CADPS2: variants seen among roughly 807,000 people sequenced by gnomAD.
The protein encoded by CADPS2 is calcium-dependent secretion activator 2.
Under a neutral mutation model 172.5 loss-of-function variants are expected in CADPS2, and 93 were observed. The ratio of observed to expected loss-of-function variants is 0.54; its 90% confidence interval spans 0.46 to 0.64. The LOEUF is 0.64. Among genes scored for constraint, CADPS2 ranks in the 30% least tolerant of loss-of-function variants. The pLI is 0.00. For missense variants in CADPS2, 1,420 were observed against 1,565.9 expected, an observed-to-expected ratio of 0.91 and a Z score of 1.57; for synonymous variants, 546 against 555.2, an observed-to-expected ratio of 0.98 and a Z score of 0.23.
chr7:122,449,082 C>T (rs2052695344), intron 15 of CADPS2, among the ~76,000 whole-genome samples: 1 of 152,036 alleles, frequency 6.6e-6, no homozygotes, highest in African/African-American at 2.4e-5. Flanking sequence ...GACCTGCAGG[C>T]AAGTGAGCAT....
At chr7:122,655,012 G>C (rs1035048237) in intron 3 of CADPS2, among the ~76,000 whole-genome samples, 4 of 152,200 alleles carry the variant, frequency 2.6e-5, no homozygotes, top group Non-Finnish European at 5.9e-5. Context: ...AGATGTTCTA[G>C]AAATAGCAAA....
chr7:122,807,172 C>G (rs1223510295), intron 1 of CADPS2, among the ~76,000 whole-genome samples: 1 of 152,202 alleles, frequency 6.6e-6, no homozygotes, highest in Non-Finnish European at 1.5e-5. Context: ...CAGCGGTATG[C>G]CCCAACCCAC....
At chr7:122,823,437 C>CT (rs1057245109) in intron 1 of CADPS2, among the ~76,000 whole-genome samples, 2 of 152,018 alleles carry the variant, frequency 1.3e-5, no homozygotes, top group African/African-American at 4.8e-5. Context: ...ACTTTACCCC[C>CT]TGCCCCCAGA....
intron 2 of CADPS2, among the ~76,000 whole-genome samples, chr7:122,732,486 A>G (rs2091743959): frequency 6.6e-6 from 1 of 150,714 alleles, no homozygotes; most frequent in Non-Finnish European, 1.5e-5. Flanking sequence ...AAATGTATAT[A>G]CTACGAGTAC....
intron 2 of CADPS2, among the ~76,000 whole-genome samples, chr7:122,673,817 T>C (rs754443861): frequency 1.2e-4 from 18 of 149,720 alleles, no homozygotes; most frequent in Non-Finnish European, 2.2e-4. Context: ...GCACTGGCAC[T>C]CCTCAAACCT....
chr7:122,430,671 G>GTAGCATT (rs1439242444), intron 17 of CADPS2, among the ~76,000 whole-genome samples: 1 of 152,176 alleles, frequency 6.6e-6, no homozygotes, highest in East Asian at 1.9e-4. Context: ...CAATGAAATG[G>GTAGCATT]TAGCATTTTA....
chr7:122,702,576 T>A, intron 2 of CADPS2: 2 of 1,613,550 alleles, frequency 1.2e-6, no homozygotes, highest in South Asian at 2.2e-5. Flanking sequence ...AACACTCCAC[T>A]CTCTCCTAAT....
At chr7:122,485,819 C>G (rs1193448329) in intron 11 of CADPS2, among the ~76,000 whole-genome samples, 1 of 152,170 alleles carries the variant, frequency 6.6e-6, no homozygotes, top group Non-Finnish European at 1.5e-5. Context: ...TACAGGCTCT[C>G]TTGTTAGTGG....
chr7:122,540,231 A>G (rs2062778007), intron 8 of CADPS2, among the ~76,000 whole-genome samples: 1 of 152,122 alleles, frequency 6.6e-6, no homozygotes, highest in African/African-American at 2.4e-5. Context: ...CCTGAACTGT[A>G]ATAAATGCTA....
At chr7:122,611,188 AGAAG>A in intron 6 of CADPS2, among the ~76,000 whole-genome samples, 1 of 152,236 alleles carries the variant, frequency 6.6e-6, no homozygotes, top group South Asian at 2.1e-4. Flanking sequence ...AACCTAAAAT[AGAAG>A]GAAGTAAATA....
At chr7:122,745,173 CTT>C (rs1346009697) in intron 1 of CADPS2, among the ~76,000 whole-genome samples, 1 of 151,864 alleles carries the variant, frequency 6.6e-6, no homozygotes, top group Non-Finnish European at 1.5e-5. Flanking sequence ...AAGGTCTACT[CTT>C]AGCAAATTTC....
chr7:122,649,897 G>GTTTTTTTTT (rs1588128117), intron 3 of CADPS2, among the ~76,000 whole-genome samples: 3 of 46,118 alleles, frequency 6.5e-5, no homozygotes, highest in Non-Finnish European at 8.8e-5. Flanking sequence ...AGTATTCAAT[G>GTTTTTTTTT]ATTTTTTTTT....
At chr7:122,400,467 A>T (rs185332624) in intron 20 of CADPS2, among the ~76,000 whole-genome samples, 158 of 152,140 alleles carry the variant, frequency 1.0e-3, no homozygotes, top group African/African-American at 3.6e-3. Flanking sequence ...AAAACAAAAC[A>T]AAACTAAACA....
At chr7:122,710,052 A>T (rs1052986250) in intron 2 of CADPS2, among the ~76,000 whole-genome samples, 44 of 142,628 alleles carry the variant, frequency 3.1e-4, no homozygotes, top group East Asian at 1.9e-3. Context: ...AGTATAATAA[A>T]AAAAAAAAAA....
intron 8 of CADPS2, among the ~76,000 whole-genome samples, chr7:122,529,824 T>C (rs992119133): frequency 2.0e-5 from 3 of 152,120 alleles, no homozygotes; most frequent in Non-Finnish European, 4.4e-5. Flanking sequence ...GCTGGCACAT[T>C]TATATCTGCT....
intron 14 of CADPS2, among the ~76,000 whole-genome samples, chr7:122,456,168 A>G (rs1159333145): frequency 6.6e-6 from 1 of 152,004 alleles, no homozygotes; most frequent in Non-Finnish European, 1.5e-5. Context: ...AATTAATAAT[A>G]AAATAATTTA....
chr7:122,549,177 G>T (rs944271387), intron 8 of CADPS2, among the ~76,000 whole-genome samples: 2 of 152,062 alleles, frequency 1.3e-5, no homozygotes, highest in African/African-American at 4.8e-5. Flanking sequence ...CAGGAGGATC[G>T]CTTGAGTGCA....
chr7:122,407,872 T>C (rs998038868), intron 19 of CADPS2, 176 bp from the exon 20 acceptor site: 10 of 592,936 alleles, frequency 1.7e-5, no homozygotes, highest in East Asian at 2.8e-5. Context: ...ATTAAAATCA[T>C]AGATTTGGCA....
intron 1 of CADPS2, among the ~76,000 whole-genome samples, chr7:122,822,276 C>A (rs1163458870): frequency 6.6e-6 from 1 of 151,986 alleles, no homozygotes; most frequent in Non-Finnish European, 1.5e-5. Context: ...CATTTAATTT[C>A]TCAATTCATC....
Sources: allele counts gnomAD v4.1 joint callset (sites outside exome capture counted in the v4.1 genomes callset), GRCh38; gene constraint gnomAD v4.1.1; transcripts MANE v1.5; gene names NCBI Gene and HGNC (gene_info 2026-07-23, HGNC 2026-07-21).